TPP2: variants seen among roughly 807,000 people sequenced by gnomAD.
The protein encoded by TPP2 is tripeptidyl peptidase 2.
TPP2 carries 34 observed loss-of-function variants against 155.9 expected under a neutral mutation model. The ratio of observed to expected loss-of-function variants is 0.22; its 90% CI spans 0.17 to 0.29. The LOEUF is 0.29. TPP2 is among the 10% of genes least tolerant of loss of function. TPP2 has a pLI of 1.00. For missense variants in TPP2, 1,028 were observed against 1,522.3 expected (o/e 0.68, Z 5.40); for synonymous variants, 510 against 529.4 (o/e 0.96, Z 0.50).
rs1882336039 is a variant in TPP2, at chr13:102,635,783, T to C, written c.1509+81T>C. 6.4e-6 allele frequency: 7 copies of C among 1,085,804 alleles called. No homozygotes were observed. In the South Asian group the frequency reaches 7.0e-5, roughly 11 times the overall value. 67.3% of individuals were successfully genotyped at this position (1,085,804 alleles called of 1,614,324 possible). A position where few individuals can be genotyped will look rare whatever the true frequency, so the allele number is the denominator to read the frequency against. Reference sequence around the variant, plus strand: ...GATATTATTGGGTAATATTTTGTTTTATAACAGTGATTCAGTATATCTGAA... The same window carrying C: ...GATATTATTGGGTAATATTTTGTTTCATAACAGTGATTCAGTATATCTGAA... On this transcript the variant is annotated intron_variant, in intron 12 of 29. Transcript: ENST00000376052.
rs577820011 is a variant in TPP2 at position 102,675,038 on chromosome 13, A to G, written c.3579+548A>G. 4.6e-5 allele frequency among the ~76,000 whole-genome samples: 7 copies of G among 152,338 alleles called. No homozygotes were observed. In the East Asian group the frequency reaches 1.3e-3, roughly 29 times the overall value. On this transcript the variant is annotated intron_variant, in intron 28 of 29. Transcript: ENST00000376052. The stretch of plus-strand genomic sequence containing the variant: ...TTTAAATCTCTTTTAGCTCTCTACT[A>G]TAATTCTTGCAATAGCGTTTATACA...
intron 5 of TPP2, among the ~76,000 whole-genome samples, chr13:102,620,189 A>T (rs947625132): frequency 4.6e-5 from 7 of 152,206 alleles, no homozygotes; most frequent in African/African-American, 1.7e-4. Context: ...TGTTTCCACA[A>T]GATTTCCTTG....
At chr13:102,619,940 T>TAA (rs1881032995) in intron 5 of TPP2, among the ~76,000 whole-genome samples, 1 of 152,184 alleles carries the variant, frequency 6.6e-6, no homozygotes, top group African/African-American at 2.4e-5. Flanking sequence ...AGGTGCGTTT[T>TAA]AGTGTGGGAA....
chr13:102,659,496 A>G (rs774411474), intron 25 of TPP2, among the ~76,000 whole-genome samples: 9 of 152,238 alleles, frequency 5.9e-5, no homozygotes, highest in Non-Finnish European at 1.5e-5. Context: ...TTACAAGGAA[A>G]TGCTAGTAAG....
At chr13:102,628,934 T>C (rs948853806) in intron 8 of TPP2, among the ~76,000 whole-genome samples, 3 of 152,232 alleles carry the variant, frequency 2.0e-5, no homozygotes, top group African/African-American at 7.2e-5. Flanking sequence ...GCTCTGTACC[T>C]TTTTAATGTT....
intron 16 of TPP2, 142 bp from the exon 17 acceptor site, chr13:102,643,080 C>G: frequency 6.1e-6 from 4 of 651,492 alleles, no homozygotes; most frequent in Non-Finnish European, 4.5e-6. Context: ...TGGAAATATG[C>G]AGATTTGAGT....
chr13:102,649,200 T>C (rs145538662), intron 22 of TPP2, 49 bp downstream of exon 22: 1 of 1,537,076 alleles, frequency 6.5e-7, no homozygotes, highest in Non-Finnish European at 8.7e-7. Flanking sequence ...TACACTGTAG[T>C]CCTTTTAATG....
intron 1 of TPP2, among the ~76,000 whole-genome samples, chr13:102,600,580 C>T (rs1434201482): frequency 6.6e-6 from 1 of 152,124 alleles, no homozygotes; most frequent in Non-Finnish European, 1.5e-5. Flanking sequence ...GTTTAGATAA[C>T]TTTTTCCTGG....
chr13:102,643,284 C>A lies in TPP2; in HGVS notation c.2083C>A (p.Leu695Ile). The A allele has an allele frequency of 6.2e-7, 1 of 1,612,494 alleles. No individual in the cohort carries two copies. Among genetic ancestry groups the A allele is most frequent in the Non-Finnish European group, 8.5e-7 (1 of 1,179,378 alleles). Residue 695 changes from leucine to isoleucine, a missense_variant, in exon 17 of 30, where the codon CTT becomes ATT. Physicochemically the swap from Leu to Ile is conservative, Grantham distance 5. This residue lies in a region of TPP2 where 325 missense variants were observed against 463.7 expected (regional missense o/e 0.70). Transcript: ENST00000376052. ...SAKFVLHAVQ[L>I]VKQRAYRSHE... Reference sequence around the variant, plus strand: ...AAAGTTTGTTCTACATGCAGTCCAGCTTGTGAAGCAAAGAGCATATCGAAG... The same window carrying A: ...AAAGTTTGTTCTACATGCAGTCCAGATTGTGAAGCAAAGAGCATATCGAAG...
Position 102,635,628 on chromosome 13 carries a change from A to C in TPP2, c.1435A>C (p.Arg479=), listed in dbSNP as rs777605409. The C allele has an allele frequency of 1.2e-6, 2 of 1,613,280 alleles. No homozygotes were observed. The highest frequency in any genetic ancestry group is 1.7e-6 in the Non-Finnish European group (2 of 1,179,814). Residue 479 remains arginine, a synonymous_variant, in exon 12 of 30, where the codon AGA becomes CGA. Transcript: ENST00000376052. ...NNIDYTVHSV[R]RALENTAVKA... The stretch of plus-strand genomic sequence containing the variant: ...CATTGACTACACAGTTCATTCAGTC[A>C]GAAGAGCTCTAGAAAACACTGCAGT...
Position 102,678,499 on chromosome 13 carries a change from C to G in TPP2, c.*183C>G, listed in dbSNP as rs534315059. ...TGGCTTAATACATGTAAATCTAGAC[C>G]TCTGACATCATGGTGTTTTCTTAAT... On this transcript the variant is annotated 3_prime_UTR_variant, in exon 30 of 30. Coordinates refer to ENST00000376052, the MANE Select transcript of TPP2 (RefSeq NM_001330588.2). 7.6e-4 allele frequency: 391 copies of G among 516,886 alleles called. No individual in the cohort carries two copies. The highest frequency in any genetic ancestry group is 1.1e-3 in the Non-Finnish European group (329 of 297,466). 32.0% of individuals were successfully genotyped at this position (516,886 alleles called of 1,614,324 possible).
chr13:102,661,154 C>T (rs1291992597), intron 25 of TPP2, among the ~76,000 whole-genome samples: 3 of 151,000 alleles, frequency 2.0e-5, no homozygotes, highest in Non-Finnish European at 4.4e-5. Context: ...AGCTTTTGTG[C>T]TTTTAGCATA....
rs750507522 is a variant in TPP2, at chr13:102,623,074, A to G, written c.784+34A>G. The G allele has an allele frequency of 1.9e-6, 3 of 1,589,358 alleles. No homozygotes were observed. In the Admixed American group the frequency reaches 5.4e-5, roughly 29 times the overall value. ...TTTCAGATTGACCAATGAGATATAGATTTATGAGGTGATAAAGTGGTACGT... is the reference window on the plus strand; with the variant it reads ...TTTCAGATTGACCAATGAGATATAGGTTTATGAGGTGATAAAGTGGTACGT... On this transcript the variant is annotated intron_variant, in intron 6 of 29. Coordinates refer to ENST00000376052, the MANE Select transcript of TPP2 (RefSeq NM_001330588.2).
At chr13:102,608,332 A>G (rs963195495) in intron 2 of TPP2, among the ~76,000 whole-genome samples, 1 of 152,090 alleles carries the variant, frequency 6.6e-6, no homozygotes, top group Non-Finnish European at 1.5e-5. Context: ...TAGAATTAAT[A>G]TGTGGAAGAA....
intron 27 of TPP2, among the ~76,000 whole-genome samples, chr13:102,673,642 A>T (rs1385408649): frequency 1.3e-5 from 2 of 152,234 alleles, no homozygotes; most frequent in Admixed American, 1.3e-4. Flanking sequence ...CACAGATTAC[A>T]GATTTCTACT....
intron 27 of TPP2, among the ~76,000 whole-genome samples, chr13:102,668,248 G>A (rs1167857477): frequency 6.6e-6 from 1 of 152,184 alleles, no homozygotes; most frequent in East Asian, 1.9e-4. Context: ...CCTTCAGCCA[G>A]ATCCTCTTTC....
intron 16 of TPP2, among the ~76,000 whole-genome samples, chr13:102,642,198 G>A (rs761562978): frequency 6.6e-6 from 1 of 152,126 alleles, no homozygotes; most frequent in Non-Finnish European, 1.5e-5. Context: ...TTGGGATTAC[G>A]CTCACACTTG....
At chr13:102,629,372 G>A in intron 8 of TPP2, 110 bp from the exon 9 acceptor site, 7 of 1,273,348 alleles carry the variant, frequency 5.5e-6, no homozygotes, top group Non-Finnish European at 7.1e-6. Context: ...TCCACCAAGG[G>A]TGGATGTACC....
chr13:102,670,312 G>A (rs614546), intron 27 of TPP2, among the ~76,000 whole-genome samples: 100,882 of 151,926 alleles, frequency 0.66, 33,701 homozygotes, highest in Middle Eastern at 0.7. Context: ...CTAGAGATAA[G>A]GGCAAGACTG....
Sources: allele counts gnomAD v4.1 joint callset (sites outside exome capture counted in the v4.1 genomes callset), GRCh38; gene constraint gnomAD v4.1.1; regional missense constraint gnomAD v4.1.1; transcripts MANE v1.5; gene names NCBI Gene and HGNC (gene_info 2026-07-23, HGNC 2026-07-21).